Variants in CFAP20DC observed in about 807,000 individuals in gnomAD.
CFAP20DC encodes protein CFAP20DC.
In CFAP20DC, 84 loss-of-function variants were observed where a neutral mutation model predicts 101.7. The ratio of observed to expected loss-of-function variants is 0.83; its 90% CI spans 0.69 to 0.99. The LOEUF (loss-of-function observed/expected upper bound fraction) is 0.99. Ranked by LOEUF, CFAP20DC falls within the 50% of genes least tolerant of loss-of-function variation. The pLI, the probability that CFAP20DC is intolerant of heterozygous loss-of-function variation, is 0.00. For synonymous variants in CFAP20DC, 359 were observed against 351.2 expected, an observed-to-expected ratio of 1.02 and a Z score of -0.25; for missense variants, 1,007 against 970.3, an observed-to-expected ratio of 1.04 and a Z score of -0.50.
At chr3:58,770,205 G>A (rs1046887515) in intron 15 of CFAP20DC, among the ~76,000 whole-genome samples, 3 of 152,260 alleles carry the variant, frequency 2.0e-5, no homozygotes, top group South Asian at 4.2e-4. Context: ...TCAAGAATAC[G>A]TGAACAGTAA....
At chr3:58,966,474 G>GTATATATATA (rs60270814) in intron 4 of CFAP20DC, among the ~76,000 whole-genome samples, 43 of 114,722 alleles carry the variant, frequency 3.7e-4, no homozygotes, top group African/African-American at 1.1e-3. Flanking sequence ...ATACATATGT[G>GTATATATATA]TATATATATA....
intron 14 of CFAP20DC, among the ~76,000 whole-genome samples, chr3:58,819,245 A>G (rs2075428619): frequency 6.6e-6 from 1 of 151,996 alleles, no homozygotes; most frequent in South Asian, 2.1e-4. Context: ...GAAAAGCAAG[A>G]GCAAACACAT....
At chr3:58,842,571 G>A (rs1002031254) in intron 13 of CFAP20DC, among the ~76,000 whole-genome samples, 1 of 152,090 alleles carries the variant, frequency 6.6e-6, no homozygotes, top group Non-Finnish European at 1.5e-5. Flanking sequence ...ACTGCAAGGC[G>A]GCAGCGAGCT....
chr3:58,750,982 G>A (rs904555771), intron 16 of CFAP20DC, among the ~76,000 whole-genome samples: 1 of 152,098 alleles, frequency 6.6e-6, no homozygotes, highest in African/African-American at 2.4e-5. Flanking sequence ...ATTGGAATGG[G>A]GGGAAAATTG....
chr3:59,044,722 A>C (rs1699701844), intron 3 of CFAP20DC, among the ~76,000 whole-genome samples: 1 of 152,130 alleles, frequency 6.6e-6, no homozygotes, highest in Non-Finnish European at 1.5e-5. Context: ...ATGTGCATAC[A>C]TACTGAGGGC....
At position 59,002,310 on chromosome 3, in the gene CFAP20DC, C is replaced by T. The variant is rs138090661; in HGVS notation, c.278+37247G>A. ...TTCCCTCCTAAGGGATACATGATCCCACCTTAAGGGACATATCTCCAATTT... is the reference window on the plus strand; with the variant it reads ...TTCCCTCCTAAGGGATACATGATCCTACCTTAAGGGACATATCTCCAATTT... On this transcript the variant is annotated intron_variant, in intron 4 of 16. Transcript: ENST00000482387. The surrounding 1 kb of genome is among the most constrained non-coding windows in gnomAD (Gnocchi z 4.5). Among the ~76,000 whole-genome samples, 35 of 152,338 alleles carry T rather than the reference C, an allele frequency of 2.3e-4. No homozygotes were observed. The East Asian group carries it at 5.8e-3, about 25-fold the overall frequency.
chr3:58,850,481 G>T (rs558222453), intron 12 of CFAP20DC, among the ~76,000 whole-genome samples: 1 of 151,560 alleles, frequency 6.6e-6, no homozygotes, highest in Non-Finnish European at 1.5e-5. Flanking sequence ...CCAGCTACTC[G>T]GGAGACTGAG....
intron 14 of CFAP20DC, among the ~76,000 whole-genome samples, chr3:58,818,246 C>A (rs1487121946): frequency 7.3e-5 from 11 of 151,620 alleles, no homozygotes; most frequent in East Asian, 1.9e-4. Flanking sequence ...TGAGCAAAAT[C>A]ACCAGCTAAC....
rs1341686201 is a variant in CFAP20DC at position 59,039,637 on chromosome 3, G to C, written c.206-8C>G. On this transcript the variant is annotated splice_region_variant and splice_polypyrimidine_tract_variant and intron_variant, in intron 3 of 16. Coordinates refer to ENST00000482387, the MANE Select transcript of CFAP20DC (RefSeq NM_001394063.1). ...ACCTCTGGATCAATCCAACTAGAATGAAGAGGAAATACACATTCAAATGTT... is the reference window on the plus strand; with the variant it reads ...ACCTCTGGATCAATCCAACTAGAATCAAGAGGAAATACACATTCAAATGTT... 6.6e-7 allele frequency: 1 copy of C among 1,506,636 alleles called. No individual in the cohort carries two copies. The highest frequency in any genetic ancestry group is 2.0e-5 in the Admixed American group (1 of 49,282). The allele number at this position is 1,506,636 out of a possible 1,614,324, so 93.3% of individuals were successfully genotyped here.
chr3:58,746,368 A>G (rs2068206113), intron 16 of CFAP20DC, among the ~76,000 whole-genome samples: 1 of 152,196 alleles, frequency 6.6e-6, no homozygotes. Context: ...CTGGCACGTA[A>G]GAGTTATATG....
At chr3:58,816,641 G>A (rs1346129354) in intron 14 of CFAP20DC, among the ~76,000 whole-genome samples, 3 of 152,140 alleles carry the variant, frequency 2.0e-5, no homozygotes, top group East Asian at 1.9e-4. Flanking sequence ...AGGGTCCTAC[G>A]CCCACGGAAT....
At chr3:58,841,780 A>G (rs1469946905) in intron 13 of CFAP20DC, among the ~76,000 whole-genome samples, 2 of 152,234 alleles carry the variant, frequency 1.3e-5, no homozygotes, top group Non-Finnish European at 2.9e-5. Context: ...CTGAATTTAT[A>G]ATTGGTAGCA....
At chr3:58,951,284 T>C (rs2090072249) in intron 4 of CFAP20DC, among the ~76,000 whole-genome samples, 2 of 152,136 alleles carry the variant, frequency 1.3e-5, no homozygotes, top group Admixed American at 6.5e-5. Flanking sequence ...TGTGGAGAAA[T>C]AGGAACACTT....
chr3:58,930,324 C>A (rs1014143093), intron 5 of CFAP20DC, among the ~76,000 whole-genome samples: 2 of 152,190 alleles, frequency 1.3e-5, no homozygotes, highest in African/African-American at 4.8e-5. Flanking sequence ...CTCCAAATCA[C>A]TGCAAATATT....
rs1453965027 is a variant in CFAP20DC, at chr3:58,799,442, G to GGTAGAGAAGTATACA, written c.2237+6938_2237+6952dup. 1.3e-5 allele frequency among the ~76,000 whole-genome samples: 2 copies of GGTAGAGAAGTATACA among 152,130 alleles called. No homozygotes were observed. The highest frequency in any genetic ancestry group is 2.9e-5 in the Non-Finnish European group (2 of 68,024). ...AGGGCCAGGTACTAGAGACTCTTAA[G>GGTAGAGAAGTATACA]GTAGAGAAGTATACAGGTGCTCATG... is the stretch of plus-strand genomic sequence containing the variant. On this transcript the variant is annotated intron_variant, in intron 15 of 16. Coordinates refer to ENST00000482387, the MANE Select transcript of CFAP20DC (RefSeq NM_001394063.1). This position sits in a 1 kb window ranked among gnomAD's most constrained non-coding sequence, Gnocchi z 4.9.
chr3:58,895,202 C>T (rs1368766472), intron 6 of CFAP20DC, among the ~76,000 whole-genome samples: 2 of 152,236 alleles, frequency 1.3e-5, no homozygotes, highest in Admixed American at 6.5e-5. Flanking sequence ...CTGCAGCCAG[C>T]TGGCTTGAAT....
chr3:58,735,078 C>T (rs1474226459), intron 3 of CFAP20DC, among the ~76,000 whole-genome samples: 1 of 152,140 alleles, frequency 6.6e-6, no homozygotes, highest in Non-Finnish European at 1.5e-5. Context: ...CTTAATAATG[C>T]TAAGTCACAA....
chr3:59,011,188 A>C (rs2093573453), intron 4 of CFAP20DC, among the ~76,000 whole-genome samples: 1 of 152,212 alleles, frequency 6.6e-6, no homozygotes, highest in Admixed American at 6.5e-5. Context: ...ACTTGAGGTC[A>C]GTAGCTCAAA....
rs1222909858 is a variant in CFAP20DC, at chr3:58,912,993, T to C, written c.550+715A>G. On this transcript the variant is annotated intron_variant, in intron 6 of 16. Coordinates refer to ENST00000482387, the MANE Select transcript of CFAP20DC (RefSeq NM_001394063.1). This position sits in a 1 kb window ranked among gnomAD's most constrained non-coding sequence, Gnocchi z 4.4. ...GATGACTTTCCCACACAATGAGTCC[T>C]GCCTCCTTAGTCAGGAATCAGACAT... is the stretch of plus-strand genomic sequence containing the variant. Among the ~76,000 whole-genome samples, 1 of 152,174 alleles carries C rather than the reference T, an allele frequency of 6.6e-6. No individual in the cohort carries two copies. The highest frequency in any genetic ancestry group is 1.5e-5 in the Non-Finnish European group (1 of 68,020).
Sources: allele counts gnomAD v4.1 joint callset (sites outside exome capture counted in the v4.1 genomes callset), GRCh38; gene constraint gnomAD v4.1.1; non-coding constraint Gnocchi (gnomAD v3.1); transcripts MANE v1.5; gene names NCBI Gene and HGNC (gene_info 2026-07-23, HGNC 2026-07-21).